The following BTBD16 variants were observed in gnomAD, a reference collection of about 807,000 sequenced individuals.
The protein encoded by BTBD16 is BTB domain containing 16, also known as BTB/POZ domain-containing protein 16.
In BTBD16, 66 loss-of-function variants were observed where a neutral mutation model predicts 67.4. That is an observed-to-expected ratio of 0.98 (90% CI 0.80 to 1.20). The LOEUF is 1.20. BTBD16 is among the 50% of genes most tolerant of loss of function. The probability of loss-of-function intolerance (pLI) is 0.00; values close to 1 mark genes in which losing one functional copy is unlikely to be tolerated. For synonymous variants in BTBD16, 242 were observed against 236.4 expected (o/e 1.02, Z -0.22); for missense variants, 634 against 616.0 (o/e 1.03, Z -0.31).
chr10:122,272,401 G>T (rs1031753681), intron 1 of BTBD16, among the ~76,000 whole-genome samples: 1 of 152,178 alleles, frequency 6.6e-6, no homozygotes, highest in Non-Finnish European at 1.5e-5. Flanking sequence ...GAGTGCAATG[G>T]TGAGAGTTTG....
chr10:122,273,763 G>A (rs7912215), intron 1 of BTBD16, among the ~76,000 whole-genome samples: 64,486 of 151,820 alleles, frequency 0.42, 14,831 homozygotes, highest in East Asian at 0.62. Context: ...AAGAAAAAGT[G>A]ATATTATGCA....
chr10:122,325,788 G>A (rs985543949), intron 10 of BTBD16, among the ~76,000 whole-genome samples: 3 of 151,844 alleles, frequency 2.0e-5, no homozygotes, highest in African/African-American at 7.3e-5. Context: ...CAATGCTCCT[G>A]CCTCAGCCAC....
chr10:122,295,413 G>A, intron 7 of BTBD16: 1 of 985,458 alleles, frequency 1.0e-6, no homozygotes, highest in Non-Finnish European at 1.2e-6. Context: ...CCCAGGTTAT[G>A]CAGGATCTTG....
chr10:122,304,944 G>T (rs1335036099), intron 9 of BTBD16, among the ~76,000 whole-genome samples: 1 of 152,138 alleles, frequency 6.6e-6, no homozygotes, highest in Admixed American at 6.5e-5. Flanking sequence ...ACCTGACCCT[G>T]CCACATATCC....
rs900613521 is a variant in BTBD16, at chr10:122,298,946, A to C, written c.661-58A>C. ...CACACGTGTAGTGTCGTCTCAGGCC[A>C]GCAGAGGGTGCCAAGAGCTCAGGAC... On this transcript the variant is annotated intron_variant, in intron 8 of 15. Coordinates refer to ENST00000260723, the MANE Select transcript of BTBD16 (RefSeq NM_144587.5). The C allele has an allele frequency of 1.9e-6, 3 of 1,598,702 alleles. No homozygotes were observed. The African/African-American group carries it at 4.0e-5, about 21-fold the overall frequency.
intron 10 of BTBD16, among the ~76,000 whole-genome samples, chr10:122,316,734 T>C (rs1565007101): frequency 6.6e-6 from 1 of 151,374 alleles, no homozygotes; most frequent in Non-Finnish European, 1.5e-5. Context: ...GGTGAGTCAG[T>C]GAGTGAATGG....
In BTBD16 at chr10:122,291,162, C is replaced by G; in HGVS notation, c.558C>G (p.Ala186=). The change falls in exon 7 of 16, where the codon GCC becomes GCG. Residue 186 remains alanine (A), a synonymous_variant. Transcript: ENST00000260723. ...LEDLLGVLAS[A]HILQFSGLFQ... is the part of the protein sequence containing the mutation. The stretch of plus-strand genomic sequence containing the variant: ...ACCTACTGGGAGTGCTGGCTTCCGC[C>G]CACATCCTCCAGTTCAGTGGCCTGT... 1 of 1,613,766 alleles carries G rather than the reference C, an allele frequency of 6.2e-7. No homozygotes were observed. Among genetic ancestry groups the G allele is most frequent in the Non-Finnish European group, 8.5e-7 (1 of 1,179,862 alleles).
intron 10 of BTBD16, 120 bp from the exon 11 acceptor site, chr10:122,329,360 C>T: frequency 1.2e-6 from 1 of 861,248 alleles, no homozygotes; most frequent in East Asian, 2.5e-5. Flanking sequence ...GGGACCGAGG[C>T]CCCATCTCCC....
At chr10:122,298,977 T>A (rs1486983690) in intron 8 of BTBD16, 27 bp from the exon 9 acceptor site, 1 of 1,611,782 alleles carries the variant, frequency 6.2e-7, no homozygotes, top group South Asian at 1.1e-5. Context: ...AGGACTTCCT[T>A]CATCAACTGG....
At chr10:122,311,747 G>C (rs760659317) in intron 10 of BTBD16, among the ~76,000 whole-genome samples, 19 of 152,320 alleles carry the variant, frequency 1.2e-4, no homozygotes, top group Middle Eastern at 3.4e-3. Flanking sequence ...CCAGCACCCA[G>C]ACCAGAACAG....
In BTBD16 at chr10:122,276,839, C is replaced by A. The variant is rs755133680; in HGVS notation, c.67C>A (p.Arg23Ser). ...GGTCACTGGCTCAACCAACCGGTGG[C>A]GTTTGCCCAAACAGCCTTTCTCTGG... ...RRVTGSTNRW[R>S]LPKQPFSGDL... The change falls in exon 3 of 16, where the codon CGT becomes AGT. Residue 23 changes from arginine (R) to serine (S), a missense_variant. Coordinates refer to ENST00000260723, the MANE Select transcript of BTBD16 (RefSeq NM_144587.5). The A allele has an allele frequency of 6.2e-7, 1 of 1,614,112 alleles. No homozygotes were observed. Among genetic ancestry groups the A allele is most frequent in the African/African-American group, 1.3e-5 (1 of 74,944 alleles).
At chr10:122,328,037 G>A (rs2096448356) in intron 10 of BTBD16, among the ~76,000 whole-genome samples, 1 of 152,232 alleles carries the variant, frequency 6.6e-6, no homozygotes, top group Non-Finnish European at 1.5e-5. Flanking sequence ...GGCTAGGGAG[G>A]ACGGCGTCAG....
intron 5 of BTBD16, chr10:122,287,468 C>G: frequency 1.0e-6 from 1 of 985,456 alleles, no homozygotes; most frequent in Non-Finnish European, 1.2e-6. Flanking sequence ...CTGCTAGAGG[C>G]TACGCCTGGC....
chr10:122,295,545 T>A (rs893348594), intron 7 of BTBD16: 22 of 984,698 alleles, frequency 2.2e-5, no homozygotes, highest in Non-Finnish European at 2.4e-5. Context: ...GTGGTATAAA[T>A]GTGGGAGGCT....
At chr10:122,276,701 G>C in intron 2 of BTBD16, 90 bp from the exon 3 acceptor site, 1 of 1,530,424 alleles carries the variant, frequency 6.5e-7, no homozygotes, top group South Asian at 1.3e-5. Context: ...AATTTGTCTT[G>C]ATTTCCTTCT....
chr10:122,307,040 A>T, intron 9 of BTBD16, 149 bp from the exon 10 acceptor site: 1 of 805,362 alleles, frequency 1.2e-6, no homozygotes, highest in Non-Finnish European at 1.9e-6. Context: ...GGCCTTGAGT[A>T]AGCTGTTTAC....
At chr10:122,285,886 G>A (rs892309719) in intron 4 of BTBD16, among the ~76,000 whole-genome samples, 1 of 152,096 alleles carries the variant, frequency 6.6e-6, no homozygotes, top group Non-Finnish European at 1.5e-5. Context: ...GACATGTCCT[G>A]GGTGACCCTG....
chr10:122,297,764 C>T lies in BTBD16; in HGVS notation c.591-4C>T. On this transcript the variant is annotated splice_polypyrimidine_tract_variant and splice_region_variant and intron_variant, in intron 7 of 15. Coordinates refer to ENST00000260723, the MANE Select transcript of BTBD16 (RefSeq NM_144587.5). ...CTCCAGAAACTGCAGTTCTCTCTCT[C>T]CAGGTGCGTGGATGTGATGATAGCC... 1.2e-6 allele frequency: 2 copies of T among 1,614,104 alleles called. No individual in the cohort carries two copies. Among genetic ancestry groups the T allele is most frequent in the South Asian group, 2.2e-5 (2 of 91,066 alleles).
Position 122,276,953 on chromosome 10 carries a change from A to G in BTBD16, c.167+14A>G, listed in dbSNP as rs758495763. The G allele has an allele frequency of 5.0e-6, 8 of 1,610,436 alleles. No individual in the cohort carries two copies. The African/African-American group carries it at 9.4e-5, about 19-fold the overall frequency. On this transcript the variant is annotated intron_variant, in intron 3 of 15. Transcript: ENST00000260723. ...GAACCCAGACAGGTATGGAGACTCA[A>G]AGGTTTGTGGGAGGGAATGGCCCAT...
Sources: gnomAD v4.1 joint callset for allele counts (sites outside exome capture counted in the v4.1 genomes callset) on GRCh38, gnomAD v4.1.1 for gene constraint, MANE v1.5 for transcripts, NCBI Gene and HGNC (gene_info 2026-07-23, HGNC 2026-07-21) for gene names.